The following LMNB1 variants were observed in gnomAD, a reference collection of about 807,000 sequenced individuals.
LMNB1 encodes lamin-B1.
Under a neutral mutation model 67.1 loss-of-function variants are expected in LMNB1, and 23 were observed. The observed-to-expected ratio is 0.34, with a 90% CI of 0.25 to 0.49. The LOEUF (loss-of-function observed/expected upper bound fraction) is 0.49, where lower values mean the gene tolerates loss of function less well. LMNB1 is among the 20% of genes least tolerant of loss of function. LMNB1 has a pLI of 0.99. For synonymous variants in LMNB1, 281 were observed against 282.9 expected (o/e 0.99, Z 0.07); for missense variants, 634 against 746.5 (o/e 0.85, Z 1.76).
chr5:126,780,226 G>A (rs1750593540), intron 1 of LMNB1, among the ~76,000 whole-genome samples: 1 of 152,080 alleles, frequency 6.6e-6, no homozygotes, highest in African/African-American at 2.4e-5. Flanking sequence ...TATCTGTTGC[G>A]TACCAGTCAC....
rs1751375974 is a variant in LMNB1 at position 126,804,854 on chromosome 5, T to A, written c.438T>A (p.Asp146Glu). The A allele has an allele frequency of 2.5e-6, 4 of 1,614,124 alleles. No individual in the cohort carries two copies. The highest frequency in any genetic ancestry group is 3.4e-6 in the Non-Finnish European group (4 of 1,179,988). The change falls in exon 2 of 11, where the codon GAT becomes GAA. Residue 146 changes from aspartate to glutamate, a missense_variant. Physicochemically the swap from Asp to Glu is conservative, Grantham distance 45. Coordinates refer to ENST00000261366, the MANE Select transcript of LMNB1 (RefSeq NM_005573.4). ...REYEAALNSK[D>E]AALATALGDK... ...ATGAAGCAGCACTGAATTCGAAAGA[T>A]GCAGCTCTTGCTACTGCACTTGGTG... is the stretch of plus-strand genomic sequence containing the variant.
chr5:126,806,731 A>G (rs946997763), intron 3 of LMNB1, among the ~76,000 whole-genome samples: 1 of 152,068 alleles, frequency 6.6e-6, no homozygotes, highest in Non-Finnish European at 1.5e-5. Context: ...GCCTTCTCCT[A>G]TGGCTCACAT....
intron 6 of LMNB1, among the ~76,000 whole-genome samples, chr5:126,819,952 C>G (rs557194055): frequency 1.3e-5 from 2 of 152,008 alleles, no homozygotes; most frequent in Non-Finnish European, 2.9e-5. Context: ...CAAGACCAGC[C>G]TGGTCAACAT....
At chr5:126,818,889 C>G (rs755174390) in intron 5 of LMNB1, 33 bp from the exon 6 acceptor site, 2 of 1,493,054 alleles carry the variant, frequency 1.3e-6, no homozygotes, top group Non-Finnish European at 9.3e-7. Flanking sequence ...TGGAATGTTC[C>G]TAGAAAGTAA....
intron 5 of LMNB1, among the ~76,000 whole-genome samples, chr5:126,817,430 A>G (rs1751737771): frequency 6.6e-6 from 1 of 152,116 alleles, no homozygotes; most frequent in South Asian, 2.1e-4. Flanking sequence ...TGGCCCTCTC[A>G]CCGATAAAAG....
Position 126,777,610 on chromosome 5 carries a change from G to C in LMNB1, c.102G>C (p.Glu34Asp), listed in dbSNP as rs1311518596. 3 of 1,538,536 alleles carry C rather than the reference G, an allele frequency of 1.9e-6. No individual in the cohort carries two copies. In the Admixed American group the frequency reaches 6.0e-5, roughly 31 times the overall value. Residue 34 changes from glutamate to aspartate, a missense_variant, in exon 1 of 11, where the codon GAG becomes GAC. Physicochemically the swap from Glu to Asp is conservative, Grantham distance 45 (BLOSUM62 2). Coordinates refer to ENST00000261366, the MANE Select transcript of LMNB1 (RefSeq NM_005573.4). ...GCCTGTCGCGGCTCCAGGAGAAGGA[G>C]GAGCTGCGCGAGCTCAATGACCGGC... ...PTRLSRLQEK[E>D]ELRELNDRLA...
chr5:126,805,233 A>G (rs2126710697), intron 2 of LMNB1, among the ~76,000 whole-genome samples: 1 of 152,322 alleles, frequency 6.6e-6, no homozygotes. Flanking sequence ...GAAATAAGTA[A>G]GAAAAGAGAT....
intron 1 of LMNB1, among the ~76,000 whole-genome samples, chr5:126,792,745 T>A (rs889908478): frequency 4.0e-4 from 60 of 151,868 alleles, no homozygotes; most frequent in African/African-American, 1.3e-3. Flanking sequence ...CCTGGCTAAT[T>A]TTGTATTTTT....
At chr5:126,829,434 A>G (rs924552966) in intron 9 of LMNB1, among the ~76,000 whole-genome samples, 24 of 151,954 alleles carry the variant, frequency 1.6e-4, no homozygotes, top group African/African-American at 5.8e-4. Context: ...ATTGTTGCTA[A>G]CGTGGTCCGG....
chr5:126,836,953 T>TA lies in LMNB1; in HGVS notation c.*691dup. 2.5e-6 allele frequency: 1 copy of TA among 398,384 alleles called. No homozygotes were observed. Among genetic ancestry groups the TA allele is most frequent in the Middle Eastern group, 6.3e-4 (1 of 1,586 alleles). The allele number at this position is 398,384 out of a possible 1,614,324, so 24.7% of individuals were successfully genotyped here. On this transcript the variant is annotated 3_prime_UTR_variant, in exon 11 of 11. Transcript: ENST00000261366. ...ATTAAAATGCATTCGTTGTGTTTTT[T>TA]AAGATAGTGTAACTTGCTTAAATTT... is the stretch of plus-strand genomic sequence containing the variant.
intron 7 of LMNB1, 99 bp from the exon 8 acceptor site, chr5:126,822,682 G>C (rs1377511692): frequency 9.5e-6 from 6 of 629,668 alleles, no homozygotes; most frequent in African/African-American, 1.9e-5. Context: ...ACCATAAAGC[G>C]GTCTTAGTTT....
chr5:126,814,828 CT>C (rs1751669336), intron 5 of LMNB1, among the ~76,000 whole-genome samples: 1 of 152,184 alleles, frequency 6.6e-6, no homozygotes, highest in African/African-American at 2.4e-5. Context: ...GCGTGAGCTG[CT>C]GCCTTAAATG....
At chr5:126,826,728 A>C (rs2973597) in intron 9 of LMNB1, among the ~76,000 whole-genome samples, 74,099 of 151,680 alleles carry the variant, frequency 0.49, 18,616 homozygotes, top group South Asian at 0.6. Flanking sequence ...AAAGCGGCTA[A>C]AGTGTGCTTT....
intron 1 of LMNB1, among the ~76,000 whole-genome samples, chr5:126,789,292 TCC>T: frequency 6.6e-6 from 1 of 152,148 alleles, no homozygotes; most frequent in Non-Finnish European, 1.5e-5. Context: ...TAAGGTTGTG[TCC>T]TAAAATGTGA....
chr5:126,813,487 T>C (rs1320234154), intron 5 of LMNB1, among the ~76,000 whole-genome samples: 1 of 152,200 alleles, frequency 6.6e-6, no homozygotes, highest in Non-Finnish European at 1.5e-5. Context: ...GATAATCTTT[T>C]TTTCCATTGC....
At chr5:126,803,948 A>C (rs942862761) in intron 1 of LMNB1, among the ~76,000 whole-genome samples, 1 of 152,210 alleles carries the variant, frequency 6.6e-6, no homozygotes, top group African/African-American at 2.4e-5. Context: ...CTATGTAACA[A>C]AATGGGAGGT....
intron 1 of LMNB1, among the ~76,000 whole-genome samples, chr5:126,797,853 G>A (rs1199200827): frequency 6.6e-6 from 1 of 151,910 alleles, no homozygotes; most frequent in African/African-American, 2.4e-5. Flanking sequence ...AGGCGGACAG[G>A]TCACTTGAGC....
intron 9 of LMNB1, among the ~76,000 whole-genome samples, chr5:126,830,452 A>AT (rs1752105793): frequency 6.6e-6 from 1 of 151,960 alleles, no homozygotes; most frequent in South Asian, 2.1e-4. Context: ...GTTCTAAATT[A>AT]TTATTTATTA....
chr5:126,823,728 A>T (rs1012451474), intron 8 of LMNB1, among the ~76,000 whole-genome samples: 1 of 152,204 alleles, frequency 6.6e-6, no homozygotes, highest in African/African-American at 2.4e-5. Context: ...ACTTCTCTTT[A>T]AAAAGGTGTA....
Sources: allele counts gnomAD v4.1 joint callset (sites outside exome capture counted in the v4.1 genomes callset), GRCh38; gene constraint gnomAD v4.1.1; transcripts MANE v1.5; gene names NCBI Gene and HGNC (gene_info 2026-07-23, HGNC 2026-07-21).